PBX1: variants seen among roughly 807,000 people sequenced by gnomAD.
The protein encoded by PBX1 is PBX homeobox 1, also known as pre-B-cell leukemia transcription factor 1.
A neutral mutation model predicts 53.4 loss-of-function variants in PBX1; 6 were observed. The ratio of observed to expected loss-of-function variants is 0.11; its 90% CI spans 0.06 to 0.22. PBX1 has a LOEUF of 0.22. Among genes scored for constraint, PBX1 ranks in the 10% least tolerant of loss-of-function variants. PBX1 has a pLI of 1.00. For missense variants in PBX1, 251 were observed against 551.4 expected (o/e 0.46, Z 5.46); for synonymous variants, 204 against 212.3 (o/e 0.96, Z 0.34).
At chr1:164,830,150 A>C (rs1571489641) in intron 8 of PBX1, among the ~76,000 whole-genome samples, 1 of 152,302 alleles carries the variant, frequency 6.6e-6, no homozygotes, top group East Asian at 1.9e-4. Context: ...ATGGTGTGCA[A>C]GAGTAATATA....
chr1:164,791,659 A>G (rs1287039587), intron 2 of PBX1, among the ~76,000 whole-genome samples: 2 of 151,802 alleles, frequency 1.3e-5, no homozygotes, highest in Non-Finnish European at 2.9e-5. Flanking sequence ...GTGCACAACC[A>G]CAGACTTATG....
At chr1:164,827,459 C>T (rs569911604) in intron 8 of PBX1, among the ~76,000 whole-genome samples, 3 of 152,048 alleles carry the variant, frequency 2.0e-5, no homozygotes, top group Non-Finnish European at 4.4e-5. Context: ...CAAGGAAAAT[C>T]GAGGGGTCTG....
chr1:164,789,248 G>A (rs1393617163), intron 2 of PBX1, among the ~76,000 whole-genome samples: 3 of 152,210 alleles, frequency 2.0e-5, no homozygotes, highest in East Asian at 1.9e-4. Flanking sequence ...ATTAGGAGGT[G>A]TGTAGAGTTT....
chr1:164,778,507 T>G (rs1426824957), intron 2 of PBX1, among the ~76,000 whole-genome samples: 1 of 151,928 alleles, frequency 6.6e-6, no homozygotes, highest in East Asian at 1.9e-4. Flanking sequence ...CGTGGTAGTG[T>G]GTGCCTGTAG....
intron 2 of PBX1, chr1:164,884,433 A>G (rs1400560202): frequency 5.9e-6 from 2 of 339,222 alleles, no homozygotes; most frequent in Non-Finnish European, 1.2e-5. Context: ...CGAAAGAAAT[A>G]AAAACTGAAA....
In PBX1 at chr1:164,821,523, G is replaced by C; in HGVS notation, c.1111-14G>C. 1 of 1,605,326 alleles carries C rather than the reference G, an allele frequency of 6.2e-7. No homozygotes were observed. The highest frequency in any genetic ancestry group is 8.5e-7 in the Non-Finnish European group (1 of 1,172,078). ...TCTGACTAATTTTCTCTCTGTTATT[G>C]TTCATCTGTTTAGGTGGATACCCTT... On this transcript the variant is annotated splice_polypyrimidine_tract_variant and intron_variant, in intron 7 of 8. Transcript: ENST00000420696.
intron 1 of PBX1, among the ~76,000 whole-genome samples, chr1:164,561,888 A>G (rs1653074088): frequency 6.6e-6 from 1 of 152,044 alleles, no homozygotes. Context: ...TAATAATAGA[A>G]TTAATTAAAA....
intron 2 of PBX1, among the ~76,000 whole-genome samples, chr1:164,879,027 T>C (rs1018777880): frequency 6.6e-6 from 1 of 152,206 alleles, no homozygotes; most frequent in Non-Finnish European, 1.5e-5. Flanking sequence ...GGCTGCACAG[T>C]CTCAGCTAAG....
intron 2 of PBX1, among the ~76,000 whole-genome samples, chr1:164,782,658 A>C (rs1296901354): frequency 1.3e-5 from 2 of 152,232 alleles, no homozygotes; most frequent in Non-Finnish European, 2.9e-5. Flanking sequence ...AATTGTTTGG[A>C]AAGTTAGAGA....
At chr1:164,805,505 T>C (rs1420982196) in intron 4 of PBX1, among the ~76,000 whole-genome samples, 3 of 152,136 alleles carry the variant, frequency 2.0e-5, no homozygotes, top group African/African-American at 7.2e-5. Flanking sequence ...TACCACCAGC[T>C]CATTCCAGAG....
In PBX1 at chr1:164,847,052, T is replaced by C. The variant is rs1050484368; in HGVS notation, c.*376T>C. ...AGGAAAAAAATTACAAAGAAAATAA[T>C]AAAAGTGTTTGTACGTTTTCATGCT... On this transcript the variant is annotated 3_prime_UTR_variant, in exon 9 of 9. Coordinates refer to ENST00000420696, the MANE Select transcript of PBX1 (RefSeq NM_002585.4). 1 of 1,117,730 alleles carries C rather than the reference T, an allele frequency of 8.9e-7. No homozygotes were observed. Among genetic ancestry groups the C allele is most frequent in the African/African-American group, 1.6e-5 (1 of 63,920 alleles). 69.2% of individuals were successfully genotyped at this position (1,117,730 alleles called of 1,614,324 possible).
intron 2 of PBX1, among the ~76,000 whole-genome samples, chr1:164,616,124 T>C (rs554641432): frequency 3.3e-5 from 5 of 152,312 alleles, no homozygotes; most frequent in Non-Finnish European, 7.3e-5. Flanking sequence ...TCTCTCCACC[T>C]CTGGAGTGGC....
At chr1:164,701,041 T>C (rs1571246835) in intron 2 of PBX1, among the ~76,000 whole-genome samples, 1 of 152,352 alleles carries the variant, frequency 6.6e-6, no homozygotes, top group African/African-American at 2.4e-5. Context: ...CCAAGTATTA[T>C]CATTATTTCT....
chr1:164,778,636 C>CAAAA (rs35701840), intron 2 of PBX1, among the ~76,000 whole-genome samples: 1 of 136,326 alleles, frequency 7.3e-6, no homozygotes. Context: ...GACCCTTTCT[C>CAAAA]AAAAAAAAAA....
intron 2 of PBX1, among the ~76,000 whole-genome samples, chr1:164,576,324 T>G (rs1244336577): frequency 6.6e-6 from 1 of 152,202 alleles, no homozygotes; most frequent in Non-Finnish European, 1.5e-5. Context: ...CTCGCAAATC[T>G]GTTGACTTCA....
At position 164,712,684 on chromosome 1, in the gene PBX1, C is replaced by T. The variant is rs181013892; in HGVS notation, c.266-79810C>T. Among the ~76,000 whole-genome samples the T allele has an allele frequency of 1.8e-4, 27 of 152,202 alleles. No homozygotes were observed. The East Asian group carries it at 4.4e-3, about 25-fold the overall frequency. The stretch of plus-strand genomic sequence containing the variant: ...AGGGTCAGCCCAGCTTCCAGTGCTC[C>T]GGGCTCCCTTCAAATGAGGGAAAAC... On this transcript the variant is annotated intron_variant, in intron 2 of 8. Transcript: ENST00000420696.
chr1:164,583,474 T>C (rs530488244), intron 2 of PBX1, among the ~76,000 whole-genome samples: 1 of 152,198 alleles, frequency 6.6e-6, no homozygotes, highest in African/African-American at 2.4e-5. Context: ...TTTAGTCTAC[T>C]CCTGACTTGA....
chr1:164,672,099 C>T (rs963284753), intron 2 of PBX1, among the ~76,000 whole-genome samples: 1 of 150,372 alleles, frequency 6.7e-6, no homozygotes, highest in Admixed American at 6.6e-5. Context: ...CCTCCCTTCT[C>T]TCTCTGTGAA....
At chr1:164,877,107 A>C (rs1467486767) in intron 2 of PBX1, among the ~76,000 whole-genome samples, 3 of 151,696 alleles carry the variant, frequency 2.0e-5, no homozygotes, top group Non-Finnish European at 4.4e-5. Flanking sequence ...TTTGCCTGTA[A>C]GTTTCTCATT....
Sources: allele counts gnomAD v4.1 joint callset (sites outside exome capture counted in the v4.1 genomes callset), GRCh38; gene constraint gnomAD v4.1.1; transcripts MANE v1.5; gene names NCBI Gene and HGNC (gene_info 2026-07-23, HGNC 2026-07-21).